Variants in CDC27 observed in about 807,000 individuals in gnomAD.
The protein encoded by CDC27 is cell division cycle protein 27 homolog.
CDC27 carries 27 observed loss-of-function variants against 109.7 expected under a neutral mutation model. The observed-to-expected ratio is 0.25, with a 90% CI of 0.18 to 0.34. The LOEUF (loss-of-function observed/expected upper bound fraction) is 0.34, where lower values mean the gene tolerates loss of function less well. CDC27 is among the 10% of genes least tolerant of loss of function. CDC27 has a pLI of 1.00. For missense variants in CDC27, 579 were observed against 960.2 expected (o/e 0.60, Z 5.25); for synonymous variants, 266 against 333.9 (o/e 0.80, Z 2.22).
chr17:47,117,823 G>A lies in CDC27; in HGVS notation c.*3112C>T, dbSNP rs1598370187. The A allele has an allele frequency of 6.6e-6, 1 of 152,208 alleles. No homozygotes were observed. Among genetic ancestry groups the A allele is most frequent in the East Asian group, 1.9e-4 (1 of 5,190 alleles). The allele number at this position is 152,208 out of a possible 1,614,324, so 9.4% of individuals were successfully genotyped here. ...AAAAAATTAGATAAACATTGCTCTA[G>A]TTTTTTGTGAAACATAAAACTGTAT... On this transcript the variant is annotated 3_prime_UTR_variant, in exon 19 of 19. Transcript: ENST00000066544.
intron 17 of CDC27, 61 bp downstream of exon 17, chr17:47,123,825 T>C: frequency 2.5e-6 from 3 of 1,200,780 alleles, no homozygotes; most frequent in Non-Finnish European, 2.4e-6. Context: ...ACATTTATTC[T>C]TATAAAATGT....
chr17:47,134,548 G>A (rs1414246582), intron 14 of CDC27, among the ~76,000 whole-genome samples: 5 of 151,576 alleles, frequency 3.3e-5, no homozygotes, highest in Non-Finnish European at 7.4e-5. Flanking sequence ...CTGGAGTGCA[G>A]TGGCACAACC....
intron 14 of CDC27, among the ~76,000 whole-genome samples, chr17:47,133,050 CACACAT>C (rs2062422968): frequency 1.6e-5 from 1 of 60,706 alleles, no homozygotes; most frequent in Non-Finnish European, 3.3e-5. Context: ...CACACACACA[CACACAT>C]ACATATACAC....
Position 47,138,905 on chromosome 17 carries a change from A to C in CDC27, c.1552-14T>G. ...TATTCTTTCAGCCTGAAATAAAAAAAACTAGTAAGAGAAAACAAGTTGATA... is the reference window on the plus strand; with the variant it reads ...TATTCTTTCAGCCTGAAATAAAAAACACTAGTAAGAGAAAACAAGTTGATA... On this transcript the variant is annotated splice_polypyrimidine_tract_variant and intron_variant, in intron 12 of 18. Transcript: ENST00000066544. 1 of 1,534,104 alleles carries C rather than the reference A, an allele frequency of 6.5e-7. No individual in the cohort carries two copies. The highest frequency in any genetic ancestry group is 8.8e-7 in the Non-Finnish European group (1 of 1,133,394).
Position 47,118,766 on chromosome 17 carries a change from A to G in CDC27, c.*2169T>C, listed in dbSNP as rs1012701115. The G allele has an allele frequency of 3.9e-5, 6 of 152,542 alleles. No homozygotes were observed. The highest frequency in any genetic ancestry group is 1.4e-4 in the African/African-American group (6 of 41,446). 9.4% of individuals were successfully genotyped at this position (152,542 alleles called of 1,614,324 possible). On this transcript the variant is annotated 3_prime_UTR_variant, in exon 19 of 19. Transcript: ENST00000066544. ...AAAAAAAGAAACTGCAAAAGCCAGA[A>G]AGTGTTACTACGTGGGAAATAAGGC...
At chr17:47,170,111 A>T in intron 3 of CDC27, 69 bp from the exon 4 acceptor site, 1 of 1,244,870 alleles carries the variant, frequency 8.0e-7, no homozygotes, top group Non-Finnish European at 1.1e-6. Context: ...CATATTCTTC[A>T]TTACCAAAGT....
At position 47,119,079 on chromosome 17, in the gene CDC27, C is replaced by A. The variant is rs2061932377; in HGVS notation, c.*1856G>T. On this transcript the variant is annotated 3_prime_UTR_variant, in exon 19 of 19. Coordinates refer to ENST00000066544, the MANE Select transcript of CDC27 (RefSeq NM_001256.6). ...GCTTTCTATAAAACTCTAAATGACA[C>A]TGTTATACAGCACCTTGTGCTTTGC... is the stretch of plus-strand genomic sequence containing the variant. 1 of 152,170 alleles carries A rather than the reference C, an allele frequency of 6.6e-6. No individual in the cohort carries two copies. The highest frequency in any genetic ancestry group is 2.4e-5 in the African/African-American group (1 of 41,444). 9.4% of individuals were successfully genotyped at this position (152,170 alleles called of 1,614,324 possible). A position where few individuals can be genotyped will look rare whatever the true frequency, so the allele number is the denominator to read the frequency against.
chr17:47,172,091 C>A, intron 2 of CDC27, 27 bp from the exon 3 acceptor site: 1 of 1,497,304 alleles, frequency 6.7e-7, no homozygotes, highest in Admixed American at 2.5e-5. Context: ...TTTAAAAAGG[C>A]TATTGTTCAG....
chr17:47,142,071 T>G, intron 11 of CDC27, 46 bp from the exon 12 acceptor site: 1 of 1,391,704 alleles, frequency 7.2e-7, no homozygotes, highest in Non-Finnish European at 9.8e-7. Context: ...CGCAATAAAC[T>G]AGTCTGCTTC....
In CDC27 at chr17:47,128,370, T is replaced by C. The variant is rs767647734; in HGVS notation, c.2160+1023A>G. ...AAAGATTTTGCTTCATGGTTTCTGA[T>C]TGAATAAATGATAACAAAAATCTCG... On this transcript the variant is annotated intron_variant, in intron 16 of 18. Transcript: ENST00000066544. 2.0e-5 allele frequency among the ~76,000 whole-genome samples: 3 copies of C among 152,186 alleles called. No individual in the cohort carries two copies. The East Asian group carries it at 5.8e-4, about 29-fold the overall frequency.
chr17:47,149,125 A>C (rs905173839), intron 9 of CDC27, among the ~76,000 whole-genome samples: 1 of 151,958 alleles, frequency 6.6e-6, no homozygotes, highest in Non-Finnish European at 1.5e-5. Context: ...TGCCTAGTAA[A>C]AATATTGTTC....
chr17:47,160,001 CTTTT>C, intron 4 of CDC27: 7 of 192,514 alleles, frequency 3.6e-5, no homozygotes, highest in South Asian at 1.5e-4. Flanking sequence ...ACCTCTGCTT[CTTTT>C]TTTTTTTTTT....
chr17:47,166,717 C>T (rs963632650), intron 4 of CDC27, among the ~76,000 whole-genome samples: 1 of 152,132 alleles, frequency 6.6e-6, no homozygotes, highest in Non-Finnish European at 1.5e-5. Context: ...TTATAACAAA[C>T]ATTTAGTGCT....
rs1175027199 is a variant in CDC27, at chr17:47,144,783, G to C, written c.1071-801C>G. ...CCTGAGTCTGGGTCAAAGAATTTCA[G>C]AAAATAAAAAGATATATATTTTCAT... On this transcript the variant is annotated intron_variant, in intron 9 of 18. Transcript: ENST00000066544. 2.0e-5 allele frequency among the ~76,000 whole-genome samples: 3 copies of C among 151,912 alleles called. No individual in the cohort carries two copies. In the East Asian group the frequency reaches 5.8e-4, roughly 29 times the overall value.
intron 9 of CDC27, among the ~76,000 whole-genome samples, chr17:47,144,970 C>T (rs895557448): frequency 6.6e-6 from 1 of 151,988 alleles, no homozygotes; most frequent in Non-Finnish European, 1.5e-5. Flanking sequence ...TTAGACTTCA[C>T]TTCATATGGA....
chr17:47,124,314 C>T (rs900719447), intron 16 of CDC27, among the ~76,000 whole-genome samples: 2 of 144,416 alleles, frequency 1.4e-5, no homozygotes, highest in Non-Finnish European at 3.1e-5. Context: ...GGTGGAGTCT[C>T]GCTCTGTCGC....
chr17:47,179,334 A>AG (rs11422815), intron 2 of CDC27, among the ~76,000 whole-genome samples: 92,432 of 151,938 alleles, frequency 0.61, 28,581 homozygotes, highest in Admixed American at 0.69. Flanking sequence ...GATATTGTCC[A>AG]CCAAGAAAAC....
chr17:47,178,141 T>C (rs926006590), intron 2 of CDC27, among the ~76,000 whole-genome samples: 9 of 152,152 alleles, frequency 5.9e-5, no homozygotes, highest in Non-Finnish European at 1.2e-4. Context: ...AACTCACTAG[T>C]GGACTGTGAT....
chr17:47,173,205 T>C (rs2036653256), intron 2 of CDC27, among the ~76,000 whole-genome samples: 1 of 152,222 alleles, frequency 6.6e-6, no homozygotes, highest in South Asian at 2.1e-4. Flanking sequence ...TATTTCTAAG[T>C]TTTTTGTCAC....
Sources: allele counts gnomAD v4.1 joint callset (sites outside exome capture counted in the v4.1 genomes callset), GRCh38; gene constraint gnomAD v4.1.1; transcripts MANE v1.5; gene names NCBI Gene and HGNC (gene_info 2026-07-23, HGNC 2026-07-21).